TMC6: variants seen among roughly 807,000 people sequenced by gnomAD.
TMC6 encodes transmembrane channel like 6, also known as transmembrane channel-like protein 6.
A neutral mutation model predicts 95.4 loss-of-function variants in TMC6; 71 were observed. That is an observed-to-expected ratio of 0.74 (90% CI 0.61 to 0.91). TMC6 has a LOEUF of 0.91. TMC6 is among the 40% of genes least tolerant of loss of function. The probability of loss-of-function intolerance (pLI) is 0.00; values close to 1 mark genes in which losing one functional copy is unlikely to be tolerated. For synonymous variants in TMC6, 514 were observed against 483.1 expected, an observed-to-expected ratio of 1.06 and a Z score of -0.84; for missense variants, 1,074 against 1,079.1, an observed-to-expected ratio of 1.00 and a Z score of 0.07.
intron 19 of TMC6, 55 bp downstream of exon 19, chr17:78,113,493 T>C (rs981809866): frequency 6.9e-6 from 11 of 1,596,338 alleles, no homozygotes; most frequent in Non-Finnish European, 9.4e-6. Flanking sequence ...TGTCCAGCCC[T>C]GGCCCCTCTC....
In TMC6 at chr17:78,117,574, C is replaced by A. The variant is rs1598835920; in HGVS notation, c.2092G>T (p.Val698Leu). The A allele has an allele frequency of 1.3e-6, 2 of 1,588,870 alleles. No homozygotes were observed. The highest frequency in any genetic ancestry group is 2.3e-5 in the East Asian group (1 of 43,586). ...DTMYEAGRVWVRHLEAAGPRV... is the reference protein window; with the variant it reads ...DTMYEAGRVWLRHLEAAGPRV... ...GGGCCTGCCGCCTCCAGGTGGCGCA[C>A]CCACACCCTGCCGGCCTCGTACATG... Residue 698 changes from valine to leucine, a missense_variant, in exon 17 of 20, where the codon GTG becomes TTG. Transcript: ENST00000590602.
Position 78,119,409 on chromosome 17 carries a change from CG to C in TMC6, c.1716-18del. On this transcript the variant is annotated intron_variant, in intron 13 of 19. Coordinates refer to ENST00000590602, the MANE Select transcript of TMC6 (RefSeq NM_001127198.5). ...GAGATAATCCTGCCTCCGAGGACCC[CG>C]GATCGTTAGATGGGAAAGCCATGCC... The C allele has an allele frequency of 6.2e-7, 1 of 1,613,498 alleles. No homozygotes were observed. Among genetic ancestry groups the C allele is most frequent in the Non-Finnish European group, 8.5e-7 (1 of 1,179,782 alleles).
rs760918274 is a variant in TMC6, at chr17:78,125,709, A to G, written c.430+17T>C. The G allele has an allele frequency of 6.7e-5, 105 of 1,559,138 alleles. 2 individuals are homozygous for G. The South Asian group carries it at 1.1e-3, about 16-fold the overall frequency. Reference sequence around the variant, plus strand: ...GGCCGGTGTCCGCCACTGGGGCTCCAGTGCCCACTCACTCACCCTCCTCCT... The same window carrying G: ...GGCCGGTGTCCGCCACTGGGGCTCCGGTGCCCACTCACTCACCCTCCTCCT... On this transcript the variant is annotated intron_variant, in intron 5 of 19. Transcript: ENST00000590602.
rs767473285 is a variant in TMC6, at chr17:78,126,728, T to TG, written c.56+48dup. The TG allele has an allele frequency of 6.8e-6, 11 of 1,611,830 alleles. No individual in the cohort carries two copies. The Admixed American group carries it at 1.0e-4, about 15-fold the overall frequency. On this transcript the variant is annotated intron_variant, in intron 2 of 19. Transcript: ENST00000590602. ...AGCCCCTGCTCAGGTGACCTCTCCG[T>TG]GGGGGGTGGAACATTCCAGCCTCCA...
intron 1 of TMC6, among the ~76,000 whole-genome samples, chr17:78,127,710 T>C (rs1191568952): frequency 6.6e-6 from 1 of 152,174 alleles, no homozygotes; most frequent in African/African-American, 2.4e-5. Flanking sequence ...GCGCTCACCC[T>C]CAGGAACTCA....
chr17:78,125,089 C>T, intron 6 of TMC6, 69 bp downstream of exon 6: 2 of 1,543,782 alleles, frequency 1.3e-6, no homozygotes, highest in Non-Finnish European at 1.7e-6. Context: ...CCCCCACCAC[C>T]TAGCCCAGCT....
rs1555649081 is a variant in TMC6, at chr17:78,108,260, C to CCA, written c.*4887_*4888insTG. 6.5e-6 allele frequency: 1 copy of CCA among 154,456 alleles called. No individual in the cohort carries two copies. 9.6% of individuals were successfully genotyped at this position (154,456 alleles called of 1,614,324 possible). A position where few individuals can be genotyped will look rare whatever the true frequency, so the allele number is the denominator to read the frequency against. ...CCCCCGCCACAGGCTGGCCCCCCCC[C>CCA]ACCCATGGGGAAGGTGGTGTGCTGC... On this transcript the variant is annotated 3_prime_UTR_variant, in exon 20 of 20. Transcript: ENST00000590602.
rs1049542021 is a variant in TMC6, at chr17:78,122,486, G to C, written c.1227+119C>G. 20 of 1,474,542 alleles carry C rather than the reference G, an allele frequency of 1.4e-5. No individual in the cohort carries two copies. The highest frequency in any genetic ancestry group is 1.6e-5 in the Non-Finnish European group (18 of 1,097,468). The allele number at this position is 1,474,542 out of a possible 1,614,324, so 91.3% of individuals were successfully genotyped here. A position where few individuals can be genotyped will look rare whatever the true frequency, so the allele number is the denominator to read the frequency against. On this transcript the variant is annotated intron_variant, in intron 10 of 19. Transcript: ENST00000590602. This position sits in a 1 kb window ranked among gnomAD's most constrained non-coding sequence, Gnocchi z 4.9. ...ACGCCTGCCCAGCGCCCCGAGTTCA[G>C]CTCACGGACAGCTGGCCCTCCCTCT...
chr17:78,122,205 C>A lies in TMC6; in HGVS notation c.1227+400G>T, dbSNP rs1598855914. Among the ~76,000 whole-genome samples the A allele has an allele frequency of 6.6e-6, 1 of 152,150 alleles. No individual in the cohort carries two copies. Among genetic ancestry groups the A allele is most frequent in the East Asian group, 1.9e-4 (1 of 5,158 alleles). ...CCGCAACCTCTACGAGGGCCTCGGC[C>A]TCTATGCCTCAGTCTCCTCTCTGAG... On this transcript the variant is annotated intron_variant, in intron 10 of 19. Coordinates refer to ENST00000590602, the MANE Select transcript of TMC6 (RefSeq NM_001127198.5). This position sits in a 1 kb window ranked among gnomAD's most constrained non-coding sequence, Gnocchi z 4.9.
At position 78,108,146 on chromosome 17, in the gene TMC6, G is replaced by C. The variant is rs2073737455; in HGVS notation, c.*5002C>G. ...CCAGCGGCCCCTCAAACTAAGCAAG[G>C]ATCTTTTTTCTGTCTGCGCTCCCTG... On this transcript the variant is annotated 3_prime_UTR_variant, in exon 20 of 20. Coordinates refer to ENST00000590602, the MANE Select transcript of TMC6 (RefSeq NM_001127198.5). The C allele has an allele frequency of 6.6e-6, 1 of 152,274 alleles. No homozygotes were observed. Among genetic ancestry groups the C allele is most frequent in the African/African-American group, 2.4e-5 (1 of 41,434 alleles). 9.4% of individuals were successfully genotyped at this position (152,274 alleles called of 1,614,324 possible).
At chr17:78,119,230 G>A in intron 14 of TMC6, 67 bp downstream of exon 14, 1 of 1,586,290 alleles carries the variant, frequency 6.3e-7, no homozygotes, top group Non-Finnish European at 8.7e-7. Flanking sequence ...GCAGGTACAG[G>A]ACCCCCGGGG....
intron 18 of TMC6, among the ~76,000 whole-genome samples, chr17:78,114,720 G>C (rs1036782682): frequency 2.0e-5 from 3 of 152,084 alleles, no homozygotes; most frequent in African/African-American, 7.2e-5. Context: ...AGAGACCATG[G>C]GCCCCTTAAG....
At chr17:78,126,927 A>C in intron 1 of TMC6, 21 bp from the exon 2 acceptor site, 2 of 1,450,490 alleles carry the variant, frequency 1.4e-6, no homozygotes, top group Non-Finnish European at 1.9e-6. Flanking sequence ...AGGGGCACAG[A>C]GCCAGGGGTG....
upstream of TMC6, chr17:78,131,430 A>G (rs1270988595): frequency 4.0e-6 from 4 of 1,004,686 alleles, no homozygotes; most frequent in East Asian, 1.0e-4. Flanking sequence ...GGGCTGCAGG[A>G]GCCCAGGCCC....
chr17:78,119,159 G>A, intron 14 of TMC6, 113 bp from the exon 15 acceptor site: 1 of 1,497,922 alleles, frequency 6.7e-7, no homozygotes, highest in South Asian at 1.1e-5. Context: ...TGAGTCCCCG[G>A]GGTTAGGGTC....
At chr17:78,118,183 CTG>C in intron 15 of TMC6, 3 of 602,780 alleles carry the variant, frequency 5.0e-6, no homozygotes, top group Non-Finnish European at 8.7e-6. Context: ...GCACACAACA[CTG>C]TACACACCAC....
Position 78,120,750 on chromosome 17 carries a change from A to G in TMC6, c.1618T>C (p.Cys540Arg), listed in dbSNP as rs1290282651. 8.7e-6 allele frequency: 14 copies of G among 1,613,458 alleles called. No individual in the cohort carries two copies. In the East Asian group the frequency reaches 1.3e-4, roughly 15 times the overall value. Residue 540 changes from cysteine (C) to arginine (R), a missense_variant, in exon 13 of 20, where the codon TGC becomes CGC. Coordinates refer to ENST00000590602, the MANE Select transcript of TMC6 (RefSeq NM_001127198.5). ...TCCTGGCCCACAAAATCCTCCCAGC[A>G]CTGGCCCTGCAGGACGCCCACCCTG... ...GRRVGVLQGQ[C>R]WEDFVGQELY...
At chr17:78,113,412 G>T in intron 19 of TMC6, 136 bp downstream of exon 19, 1 of 1,260,204 alleles carries the variant, frequency 7.9e-7, no homozygotes, top group Non-Finnish European at 1.1e-6. Flanking sequence ...GGCGCCGGGG[G>T]GGAGATTTTT....
Position 78,122,792 on chromosome 17 carries a change from G to A in TMC6, c.1083-43C>T, listed in dbSNP as rs747098680. 2.4e-5 allele frequency: 39 copies of A among 1,595,992 alleles called. No homozygotes were observed. Among genetic ancestry groups the A allele is most frequent in the South Asian group, 2.1e-4 (19 of 89,378 alleles). ...CAGACATGGCAACCAACAAGCTGAC[G>A]GGCAGAGGCCAAGGGGAGAAGGCAG... On this transcript the variant is annotated intron_variant, in intron 9 of 19. Transcript: ENST00000590602. This position sits in a 1 kb window ranked among gnomAD's most constrained non-coding sequence, Gnocchi z 4.9.
Sources: allele counts gnomAD v4.1 joint callset (sites outside exome capture counted in the v4.1 genomes callset), GRCh38; gene constraint gnomAD v4.1.1; non-coding constraint Gnocchi (gnomAD v3.1); transcripts MANE v1.5; gene names NCBI Gene and HGNC (gene_info 2026-07-23, HGNC 2026-07-21).